CNTN5: variants seen among roughly 807,000 people sequenced by gnomAD.
The protein encoded by CNTN5 is contactin-5.
Under a neutral mutation model 129.1 loss-of-function variants are expected in CNTN5, and 77 were observed. That is an observed-to-expected ratio of 0.60 (90% CI 0.50 to 0.72). The LOEUF (loss-of-function observed/expected upper bound fraction) is 0.72, where lower values mean the gene tolerates loss of function less well. CNTN5 is among the 30% of genes least tolerant of loss of function. The probability of loss-of-function intolerance (pLI) is 0.00; values close to 1 mark genes in which losing one functional copy is unlikely to be tolerated. For synonymous variants in CNTN5, 509 were observed against 465.6 expected, an observed-to-expected ratio of 1.09 and a Z score of -1.20; for missense variants, 1,478 against 1,328.8, an observed-to-expected ratio of 1.11 and a Z score of -1.75.
chr11:99,780,130 A>C (rs1204024369), intron 3 of CNTN5, among the ~76,000 whole-genome samples: 1 of 152,004 alleles, frequency 6.6e-6, no homozygotes, highest in Non-Finnish European at 1.5e-5. Flanking sequence ...CTAGCAGATA[A>C]ACTACTGGTA....
intron 7 of CNTN5, among the ~76,000 whole-genome samples, chr11:99,931,746 T>C (rs1235077467): frequency 2.0e-5 from 3 of 152,214 alleles, no homozygotes; most frequent in African/African-American, 7.2e-5. Flanking sequence ...GACAAGTTAG[T>C]GTGCAATATT....
Position 99,845,216 on chromosome 11 carries a change from C to T in CNTN5, c.531C>T (p.Asn177=), listed in dbSNP as rs754462032. 4 of 1,613,574 alleles carry T rather than the reference C, an allele frequency of 2.5e-6. No individual in the cohort carries two copies. Among genetic ancestry groups the T allele is most frequent in the Non-Finnish European group, 3.4e-6 (4 of 1,179,746 alleles). Residue 177 remains asparagine, a synonymous_variant, in exon 6 of 25, where the codon AAC becomes AAT. Transcript: ENST00000524871. ...DSGHYQCLAT[N]TVGSILSREA... ...GTCATTATCAGTGTTTAGCAACCAA[C>T]ACTGTGGGGAGTATTCTTAGTAGAG...
intron 3 of CNTN5, among the ~76,000 whole-genome samples, chr11:99,739,773 G>A (rs1443287977): frequency 2.6e-5 from 4 of 152,076 alleles, no homozygotes; most frequent in African/African-American, 9.7e-5. Flanking sequence ...TTTTTGTAGC[G>A]ATGCATCAGT....
intron 6 of CNTN5, among the ~76,000 whole-genome samples, chr11:99,853,237 C>A (rs562313551): frequency 6.6e-6 from 1 of 152,138 alleles, no homozygotes; most frequent in African/African-American, 2.4e-5. Context: ...TGACTTTATT[C>A]CACACCAAGT....
At chr11:100,250,149 G>C (rs1949934695) in intron 16 of CNTN5, among the ~76,000 whole-genome samples, 1 of 151,734 alleles carries the variant, frequency 6.6e-6, no homozygotes, top group African/African-American at 2.4e-5. Flanking sequence ...CATATGAAAG[G>C]ATTATTTTCT....
At chr11:100,303,206 T>C (rs1951268585) in intron 20 of CNTN5, among the ~76,000 whole-genome samples, 1 of 151,538 alleles carries the variant, frequency 6.6e-6, no homozygotes, top group Non-Finnish European at 1.5e-5. Flanking sequence ...GCAAGGTTTA[T>C]GTGCATTCCT....
Position 100,155,445 on chromosome 11 carries a change from C to T in CNTN5, c.1581-35681C>T, listed in dbSNP as rs893669328. ...GTAGCCTTGTAGTGTAGTTTGAAGTCCGAGAGCATGATGCCTCCAGCTTTG... is the reference window on the plus strand; with the variant it reads ...GTAGCCTTGTAGTGTAGTTTGAAGTTCGAGAGCATGATGCCTCCAGCTTTG... On this transcript the variant is annotated intron_variant, in intron 13 of 24. Transcript: ENST00000524871. Among the ~76,000 whole-genome samples the T allele has an allele frequency of 1.1e-3, 170 of 152,230 alleles. 1 individual carries two copies. The highest frequency in any genetic ancestry group is 3.9e-3 in the African/African-American group (162 of 41,544).
intron 16 of CNTN5, among the ~76,000 whole-genome samples, chr11:100,231,087 T>G (rs1949477523): frequency 6.6e-6 from 1 of 152,214 alleles, no homozygotes; most frequent in Non-Finnish European, 1.5e-5. Context: ...AGGACAGTTC[T>G]AGAGTGCGAG....
chr11:99,790,289 G>C (rs964067427), intron 3 of CNTN5, among the ~76,000 whole-genome samples: 1 of 151,998 alleles, frequency 6.6e-6, no homozygotes, highest in South Asian at 2.1e-4. Context: ...CAGGTAATAA[G>C]CATAGTAATA....
At chr11:99,630,247 C>CATAT (rs201091704) in intron 3 of CNTN5, among the ~76,000 whole-genome samples, 4 of 151,024 alleles carry the variant, frequency 2.6e-5, no homozygotes, top group African/African-American at 9.8e-5. Context: ...TGTGTATATA[C>CATAT]ATATATATAT....
chr11:99,653,164 T>G (rs1952223178), intron 3 of CNTN5, among the ~76,000 whole-genome samples: 1 of 151,880 alleles, frequency 6.6e-6, no homozygotes, highest in Non-Finnish European at 1.5e-5. Flanking sequence ...TAAGGGAAAA[T>G]ATTTATTTTA....
intron 2 of CNTN5, among the ~76,000 whole-genome samples, chr11:99,394,023 AATTAGCTGAAATTAC>A (rs1335054651): frequency 1.3e-5 from 2 of 151,724 alleles, no homozygotes; most frequent in African/African-American, 2.4e-5. Context: ...ACGAGTCTTT[AATTAGCTGAAATTAC>A]ATTAGGGAAG....
chr11:100,174,656 T>TTTTG (rs1257348429), intron 13 of CNTN5, among the ~76,000 whole-genome samples: 5 of 152,224 alleles, frequency 3.3e-5, no homozygotes, highest in East Asian at 1.9e-4. Flanking sequence ...CCATTTTGTT[T>TTTTG]TTTGTTTGTT....
chr11:99,200,665 T>C (rs1293005927), intron 1 of CNTN5, among the ~76,000 whole-genome samples: 1 of 152,150 alleles, frequency 6.6e-6, no homozygotes, highest in Non-Finnish European at 1.5e-5. Context: ...ATGATATAAG[T>C]GCAAAAGGGA....
intron 9 of CNTN5, among the ~76,000 whole-genome samples, chr11:100,048,056 C>G (rs1942779301): frequency 1.3e-5 from 2 of 152,004 alleles, no homozygotes. Flanking sequence ...GCATGAATCC[C>G]GAGGGCGGAG....
rs35289038 is a variant in CNTN5 at position 99,944,050 on chromosome 11, G to GTT, written c.674-12746_674-12745dup. ...TTGGTTCCATATAAAATTTAAAGTA[G>GTT]TTTTTTTTTTTCTAGCTCTTTGAAG... is the stretch of plus-strand genomic sequence containing the variant. On this transcript the variant is annotated intron_variant, in intron 7 of 24. Transcript: ENST00000524871. Among the ~76,000 whole-genome samples, 930 of 150,182 alleles carry GTT rather than the reference G, an allele frequency of 6.2e-3. 8 individuals are homozygous for GTT. Among genetic ancestry groups the GTT allele is most frequent in the African/African-American group, 0.02 (819 of 40,948 alleles).
At chr11:99,507,223 A>G (rs564903974) in intron 2 of CNTN5, among the ~76,000 whole-genome samples, 1 of 152,028 alleles carries the variant, frequency 6.6e-6, no homozygotes, top group South Asian at 2.1e-4. Context: ...CTAAAAATAC[A>G]AAAATTAGCT....
At chr11:99,197,273 A>G (rs1462342190) in intron 1 of CNTN5, among the ~76,000 whole-genome samples, 2 of 151,952 alleles carry the variant, frequency 1.3e-5, no homozygotes, top group Non-Finnish European at 2.9e-5. Context: ...TCAAAACTTA[A>G]GAGTACATAA....
chr11:99,947,640 T>C (rs1950581811), intron 7 of CNTN5, among the ~76,000 whole-genome samples: 1 of 152,174 alleles, frequency 6.6e-6, no homozygotes, highest in African/African-American at 2.4e-5. Context: ...GCTGCACCTA[T>C]GTGATAAATG....
Sources: allele counts gnomAD v4.1 joint callset (sites outside exome capture counted in the v4.1 genomes callset), GRCh38; gene constraint gnomAD v4.1.1; transcripts MANE v1.5; gene names NCBI Gene and HGNC (gene_info 2026-07-23, HGNC 2026-07-21).